Variants in RHBDD1 observed in about 807,000 individuals in gnomAD.
The protein encoded by RHBDD1 is rhomboid-related protein 4.
RHBDD1 carries 38 observed loss-of-function variants against 36.3 expected under a neutral mutation model. That is an observed-to-expected ratio of 1.05 (90% CI 0.81 to 1.37). The LOEUF is 1.37. RHBDD1 is among the 40% of genes most tolerant of loss of function. The probability of loss-of-function intolerance (pLI) is 0.00; values close to 1 mark genes in which losing one functional copy is unlikely to be tolerated. For synonymous variants in RHBDD1, 151 were observed against 136.5 expected, an observed-to-expected ratio of 1.11 and a Z score of -0.74; for missense variants, 393 against 377.6, an observed-to-expected ratio of 1.04 and a Z score of -0.34.
At chr2:226,874,958 AT>A (rs1280022792) in intron 5 of RHBDD1, among the ~76,000 whole-genome samples, 4 of 152,222 alleles carry the variant, frequency 2.6e-5, no homozygotes, top group African/African-American at 9.6e-5. Flanking sequence ...CCCAAATCAC[AT>A]AGTATCTATT....
At chr2:226,894,826 T>C (rs866853324) in intron 5 of RHBDD1, among the ~76,000 whole-genome samples, 15 of 152,160 alleles carry the variant, frequency 9.9e-5, no homozygotes, top group African/African-American at 3.6e-4. Context: ...AGGGAAACTT[T>C]AGCATGCTAG....
intron 8 of RHBDD1, among the ~76,000 whole-genome samples, chr2:226,926,102 A>C (rs1044391014): frequency 6.6e-6 from 1 of 152,088 alleles, no homozygotes; most frequent in Non-Finnish European, 1.5e-5. Context: ...GCCATTGGCC[A>C]GGTGCAATGG....
At chr2:226,964,232 A>G (rs1952446334) in intron 8 of RHBDD1, among the ~76,000 whole-genome samples, 2 of 152,310 alleles carry the variant, frequency 1.3e-5, no homozygotes, top group South Asian at 4.1e-4. Flanking sequence ...TGCCTCTACT[A>G]CTACAGTCAT....
intron 8 of RHBDD1, among the ~76,000 whole-genome samples, chr2:226,989,425 C>A (rs926913176): frequency 1.8e-4 from 27 of 152,130 alleles, no homozygotes; most frequent in Non-Finnish European, 3.7e-4. Context: ...CTTATAAGTG[C>A]AGGAAATATT....
At chr2:226,910,851 A>G (rs1037131965) in intron 7 of RHBDD1, among the ~76,000 whole-genome samples, 2 of 152,164 alleles carry the variant, frequency 1.3e-5, no homozygotes, top group Admixed American at 1.3e-4. Context: ...TCTCATTATA[A>G]TAGATACTGA....
Position 226,936,138 on chromosome 2 carries a change from A to G in RHBDD1, c.856+21787A>G, listed in dbSNP as rs530338621. The stretch of plus-strand genomic sequence containing the variant: ...TTGTCTAAAAGCAATTTCAATGCAA[A>G]ACAACACTTGCTTTAGATTACTGAT... On this transcript the variant is annotated intron_variant, in intron 8 of 8. Transcript: ENST00000392062. Among the ~76,000 whole-genome samples, 13 of 152,260 alleles carry G rather than the reference A, an allele frequency of 8.5e-5. No individual in the cohort carries two copies. In the South Asian group the frequency reaches 1.9e-3, roughly 22 times the overall value.
In RHBDD1 at chr2:226,907,894, CATT is replaced by C. The variant is rs563631195; in HGVS notation, c.656-926_656-924del. Among the ~76,000 whole-genome samples, 40 of 152,222 alleles carry C rather than the reference CATT, an allele frequency of 2.6e-4. 1 individual carries two copies. The highest frequency in any genetic ancestry group is 2.4e-3 in the Admixed American group (37 of 15,288). Reference sequence around the variant, plus strand: ...TGTATTTTCAATACAATTTAATACTCATTAGTACTGATAAAAGAGATGATTCTC... The same window carrying C: ...TGTATTTTCAATACAATTTAATACTCAGTACTGATAAAAGAGATGATTCTC... On this transcript the variant is annotated intron_variant, in intron 6 of 8. Coordinates refer to ENST00000392062, the MANE Select transcript of RHBDD1 (RefSeq NM_001167608.3).
chr2:226,837,705 T>A (rs1941129687), intron 1 of RHBDD1: 1 of 152,154 alleles, frequency 6.6e-6, no homozygotes, highest in Admixed American at 6.5e-5. Flanking sequence ...CCCAGCTAAT[T>A]TTTGTATTTT....
At chr2:226,958,030 A>G (rs900479451) in intron 8 of RHBDD1, among the ~76,000 whole-genome samples, 2 of 152,214 alleles carry the variant, frequency 1.3e-5, no homozygotes, top group African/African-American at 4.8e-5. Flanking sequence ...TGAATATATT[A>G]ATCACCAATT....
At chr2:226,847,592 G>T (rs868588771) in intron 3 of RHBDD1, among the ~76,000 whole-genome samples, 4 of 152,134 alleles carry the variant, frequency 2.6e-5, no homozygotes, top group Non-Finnish European at 5.9e-5. Flanking sequence ...GCAAACTTAA[G>T]CTTTTTCTAG....
chr2:226,869,733 C>T (rs1272089278), intron 5 of RHBDD1, among the ~76,000 whole-genome samples: 2 of 152,200 alleles, frequency 1.3e-5, no homozygotes, highest in South Asian at 2.1e-4. Flanking sequence ...CCCTCATTCA[C>T]GTGGTGCTTT....
chr2:226,825,950 G>T, the RHBDD1 span, among the ~76,000 whole-genome samples: 32 of 152,170 alleles, frequency 2.1e-4, no homozygotes, highest in Non-Finnish European at 1.5e-5. Context: ...TTTATTGTGT[G>T]CCAGGCACTT....
intron 3 of RHBDD1, among the ~76,000 whole-genome samples, chr2:226,860,815 A>G (rs1943787191): frequency 6.6e-6 from 1 of 152,200 alleles, no homozygotes; most frequent in African/African-American, 2.4e-5. Context: ...GGCTATGGTT[A>G]TATCTCCTTT....
intron 8 of RHBDD1, among the ~76,000 whole-genome samples, chr2:226,929,125 A>C (rs1049008317): frequency 6.6e-6 from 1 of 152,146 alleles, no homozygotes; most frequent in Admixed American, 6.6e-5. Flanking sequence ...ACTGAGAAAG[A>C]GGGAATCGTC....
chr2:226,972,940 AAAAAAC>A (rs1406488919), intron 8 of RHBDD1, among the ~76,000 whole-genome samples: 1 of 151,754 alleles, frequency 6.6e-6, no homozygotes, highest in African/African-American at 2.4e-5. Context: ...AAAAAAAAAA[AAAAAAC>A]AAAAAACCAT....
In RHBDD1 at chr2:226,988,430, G is replaced by C. The variant is rs746910872; in HGVS notation, c.857-7001G>C. 5.8e-6 allele frequency: 9 copies of C among 1,550,388 alleles called. No homozygotes were observed. The South Asian group carries it at 9.5e-5, about 16-fold the overall frequency. On this transcript the variant is annotated intron_variant, in intron 8 of 8. Transcript: ENST00000392062. ...CAGATGCCTGGGAAGCCTGAAGCAG[G>C]CCGCAGTTTGGACCTAAGGAATCCT...
intron 5 of RHBDD1, among the ~76,000 whole-genome samples, chr2:226,903,910 G>A (rs1012881689): frequency 2.0e-5 from 3 of 152,092 alleles, no homozygotes; most frequent in Non-Finnish European, 2.9e-5. Flanking sequence ...AATGCTAAGA[G>A]GGAGTTTACC....
intron 8 of RHBDD1, among the ~76,000 whole-genome samples, chr2:226,956,385 G>A (rs1559310877): frequency 6.6e-6 from 1 of 152,124 alleles, no homozygotes; most frequent in East Asian, 1.9e-4. Flanking sequence ...TTTAGTAATA[G>A]CTGCAGGAGT....
At chr2:226,936,921 G>A (rs1261912840) in intron 8 of RHBDD1, among the ~76,000 whole-genome samples, 1 of 152,102 alleles carries the variant, frequency 6.6e-6, no homozygotes, top group Non-Finnish European at 1.5e-5. Flanking sequence ...AAGAGATATA[G>A]TAACTTTTGA....
Sources: allele counts gnomAD v4.1 joint callset (sites outside exome capture counted in the v4.1 genomes callset), GRCh38; gene constraint gnomAD v4.1.1; transcripts MANE v1.5; gene names NCBI Gene and HGNC (gene_info 2026-07-23, HGNC 2026-07-21).